The following CLIC6 variants were observed in gnomAD, a reference collection of about 807,000 sequenced individuals.
CLIC6 encodes chloride intracellular channel protein 6.
CLIC6 carries 39 observed loss-of-function variants against 49.2 expected under a neutral mutation model. The observed-to-expected ratio is 0.79, with a 90% confidence interval of 0.61 to 1.04. CLIC6 has a LOEUF of 1.04. CLIC6 is among the 50% of genes least tolerant of loss of function. The pLI is 0.00. For synonymous variants in CLIC6, 446 were observed against 433.4 expected, an observed-to-expected ratio of 1.03 and a Z score of -0.36; for missense variants, 988 against 993.1, an observed-to-expected ratio of 0.99 and a Z score of 0.07.
At chr21:34,701,489 G>T (rs73359071) in intron 1 of CLIC6, among the ~76,000 whole-genome samples, 2,236 of 152,198 alleles carry the variant, frequency 0.015, 60 homozygotes, top group African/African-American at 0.05. Context: ...GACAATAATA[G>T]CTACCTTTAT....
intron 1 of CLIC6, among the ~76,000 whole-genome samples, chr21:34,704,342 C>A (rs776680837): frequency 6.6e-6 from 1 of 152,162 alleles, no homozygotes; most frequent in African/African-American, 2.4e-5. Flanking sequence ...GCAAGTCATC[C>A]CAGTCACTCC....
At chr21:34,681,744 T>G (rs1170375294) in intron 1 of CLIC6, among the ~76,000 whole-genome samples, 1 of 152,234 alleles carries the variant, frequency 6.6e-6, no homozygotes, top group East Asian at 1.9e-4. Context: ...TTTATGACTT[T>G]GTCTCAGAAG....
intron 1 of CLIC6, among the ~76,000 whole-genome samples, chr21:34,701,509 A>G (rs140508560): frequency 6.6e-6 from 1 of 152,268 alleles, no homozygotes; most frequent in African/African-American, 2.4e-5. Flanking sequence ...TTGGGTGCCC[A>G]GGGATTCCAG....
chr21:34,675,692 C>T (rs374134569), intron 1 of CLIC6, among the ~76,000 whole-genome samples: 2 of 152,204 alleles, frequency 1.3e-5, no homozygotes, highest in Non-Finnish European at 2.9e-5. Flanking sequence ...GGTGGGGATA[C>T]CCCTGCCACA....
intron 1 of CLIC6, among the ~76,000 whole-genome samples, chr21:34,695,335 A>G (rs1337027260): frequency 6.6e-6 from 1 of 152,212 alleles, no homozygotes; most frequent in Non-Finnish European, 1.5e-5. Context: ...TCATGTGATG[A>G]GATTGGGTTT....
At chr21:34,693,904 C>T (rs1036401589) in intron 1 of CLIC6, among the ~76,000 whole-genome samples, 1 of 151,998 alleles carries the variant, frequency 6.6e-6, no homozygotes, top group Non-Finnish European at 1.5e-5. Context: ...GGAGAGAACT[C>T]CCCCCTTGCT....
At chr21:34,714,656 C>T (rs909520469) in intron 5 of CLIC6, among the ~76,000 whole-genome samples, 1 of 149,462 alleles carries the variant, frequency 6.7e-6, no homozygotes, top group African/African-American at 2.5e-5. Context: ...CACTGTACTC[C>T]AGCCTGGGTG....
intron 1 of CLIC6, among the ~76,000 whole-genome samples, chr21:34,701,162 C>A (rs1229564442): frequency 6.8e-6 from 1 of 146,114 alleles, no homozygotes; most frequent in South Asian, 2.2e-4. Context: ...ATTAGCCGGG[C>A]GCGGTGGCGG....
chr21:34,700,545 A>C lies in CLIC6; in HGVS notation c.1375-6735A>C, dbSNP rs1990170797. ...TTAGTGAGGACTTCCTTACCTCACT[A>C]CCTGCCTAAATAATTTCTTTTTAAC... On this transcript the variant is annotated intron_variant, in intron 1 of 5. Coordinates refer to ENST00000349499, the MANE Select transcript of CLIC6 (RefSeq NM_053277.3). Among the ~76,000 whole-genome samples, 2 of 140,466 alleles carry C rather than the reference A, an allele frequency of 1.4e-5. 1 individual carries two copies. Among genetic ancestry groups the C allele is most frequent in the African/African-American group, 5.6e-5 (2 of 35,470 alleles). 92.2% of individuals were successfully genotyped at this position (140,466 alleles called of 152,430 possible). A position where few individuals can be genotyped will look rare whatever the true frequency, so the allele number is the denominator to read the frequency against.
At chr21:34,707,920 A>G (rs2056027001) in intron 2 of CLIC6, 24 bp from the exon 3 acceptor site, 2 of 1,613,610 alleles carry the variant, frequency 1.2e-6, no homozygotes, top group Non-Finnish European at 8.5e-7. Flanking sequence ...TGGCCCATAA[A>G]CACTGCTGTT....
intron 1 of CLIC6, among the ~76,000 whole-genome samples, chr21:34,699,640 G>A (rs2834592): frequency 0.17 from 25,362 of 152,036 alleles, 2,315 homozygotes; most frequent in African/African-American, 0.24. Flanking sequence ...GTTCTGCAAA[G>A]GAATGGGCTA....
At chr21:34,709,869 G>A (rs193120327) in intron 5 of CLIC6, among the ~76,000 whole-genome samples, 1 of 152,172 alleles carries the variant, frequency 6.6e-6, no homozygotes, top group South Asian at 2.1e-4. Flanking sequence ...TAGAGATGAG[G>A]CTCGTAGAAT....
chr21:34,705,900 C>G (rs2056011051), intron 1 of CLIC6: 1 of 475,850 alleles, frequency 2.1e-6, no homozygotes, highest in African/African-American at 2.0e-5. Context: ...TGACCACTGG[C>G]ATTGTATCAC....
intron 1 of CLIC6, among the ~76,000 whole-genome samples, chr21:34,689,596 CTT>C (rs766227959): frequency 7.0e-6 from 1 of 143,474 alleles, no homozygotes. Flanking sequence ...GGATCTGAAG[CTT>C]TTTTTTTTTT....
At chr21:34,672,850 G>A (rs992591661) in intron 1 of CLIC6, among the ~76,000 whole-genome samples, 1 of 152,220 alleles carries the variant, frequency 6.6e-6, no homozygotes, top group Admixed American at 6.5e-5. Flanking sequence ...CCTAGCCCTT[G>A]AGGTTACCGT....
intron 1 of CLIC6, among the ~76,000 whole-genome samples, chr21:34,680,574 C>T (rs1989758849): frequency 6.6e-6 from 1 of 152,170 alleles, no homozygotes; most frequent in Non-Finnish European, 1.5e-5. Context: ...ATTTTCCTAA[C>T]TTTTATGCTC....
chr21:34,698,481 CAGAA>C (rs1207725833), intron 1 of CLIC6, among the ~76,000 whole-genome samples: 2 of 146,444 alleles, frequency 1.4e-5, no homozygotes, highest in African/African-American at 5.1e-5. Flanking sequence ...AAGAGAAAGA[CAGAA>C]GGGAGGAAGG....
In CLIC6 at chr21:34,669,288, A is replaced by G; in HGVS notation, c.-101A>G. 2 of 1,005,966 alleles carry G rather than the reference A, an allele frequency of 2.0e-6. No homozygotes were observed. Among genetic ancestry groups the G allele is most frequent in the African/African-American group, 1.7e-5 (1 of 60,172 alleles). 62.3% of individuals were successfully genotyped at this position (1,005,966 alleles called of 1,614,324 possible). A position where few individuals can be genotyped will look rare whatever the true frequency, so the allele number is the denominator to read the frequency against. The stretch of plus-strand genomic sequence containing the variant: ...CAGGATCCCGGAGCCGGCGTCCTTC[A>G]AGGAGCACAGAGGGCCCCGTAGCAC... On this transcript the variant is annotated 5_prime_UTR_variant, in exon 1 of 6. Transcript: ENST00000349499.
chr21:34,677,279 C>T (rs1989691406), intron 1 of CLIC6, among the ~76,000 whole-genome samples: 1 of 152,188 alleles, frequency 6.6e-6, no homozygotes, highest in Non-Finnish European at 1.5e-5. Context: ...ATCTGCTCTG[C>T]CAAGCTTTCA....
Sources: allele counts gnomAD v4.1 joint callset (sites outside exome capture counted in the v4.1 genomes callset), GRCh38; gene constraint gnomAD v4.1.1; transcripts MANE v1.5; gene names NCBI Gene and HGNC (gene_info 2026-07-23, HGNC 2026-07-21).